Variants in STK3 observed in about 807,000 individuals in gnomAD.
STK3 encodes serine/threonine-protein kinase 3.
In STK3, 41 loss-of-function variants were observed where a neutral mutation model predicts 58.0. That is an observed-to-expected ratio of 0.71 (90% confidence interval 0.55 to 0.92). STK3 has a LOEUF of 0.92. Among genes scored for constraint, STK3 ranks in the 40% least tolerant of loss-of-function variants. The probability of loss-of-function intolerance (pLI) is 0.00; values close to 1 mark genes in which losing one functional copy is unlikely to be tolerated. For missense variants in STK3, 479 were observed against 602.7 expected (o/e 0.79, Z 2.15); for synonymous variants, 170 against 191.0 (o/e 0.89, Z 0.91).
At chr8:98,429,180 G>T in intron 3 of STK3, 1 of 1,613,816 alleles carries the variant, frequency 6.2e-7, no homozygotes, top group Non-Finnish European at 8.5e-7. Context: ...AGGCATCCTC[G>T]TGGTGGTCCT....
intron 8 of STK3, among the ~76,000 whole-genome samples, chr8:98,564,149 A>G (rs1812280443): frequency 6.6e-6 from 1 of 152,174 alleles, no homozygotes; most frequent in African/African-American, 2.4e-5. Context: ...GGGTCTTTTC[A>G]AAAACCAATA....
chr8:98,775,023 T>G (rs1028787351), intron 1 of STK3, among the ~76,000 whole-genome samples: 1 of 152,188 alleles, frequency 6.6e-6, no homozygotes, highest in Non-Finnish European at 1.5e-5. Flanking sequence ...ATAATCACTT[T>G]TATTAGTTTT....
rs563310694 is a variant in STK3 at position 98,747,179 on chromosome 8, A to G, written c.351+2097T>C. On this transcript the variant is annotated intron_variant, in intron 4 of 10. Coordinates refer to ENST00000419617, the MANE Select transcript of STK3 (RefSeq NM_006281.4). The stretch of plus-strand genomic sequence containing the variant: ...TTCTTCAGACAACTGAGAAACACAG[A>G]AAGAAATAAAGAACAATAAAAAGCA... 2.0e-5 allele frequency among the ~76,000 whole-genome samples: 3 copies of G among 152,190 alleles called. No individual in the cohort carries two copies. The South Asian group carries it at 6.2e-4, about 32-fold the overall frequency.
At chr8:98,543,397 G>A (rs1206773237) in intron 9 of STK3, among the ~76,000 whole-genome samples, 3 of 152,118 alleles carry the variant, frequency 2.0e-5, no homozygotes, top group Non-Finnish European at 4.4e-5. Flanking sequence ...AATGAAGATT[G>A]GAGGCAGAGG....
chr8:98,545,683 T>A (rs925533181), intron 9 of STK3, among the ~76,000 whole-genome samples: 4 of 152,078 alleles, frequency 2.6e-5, no homozygotes, highest in Admixed American at 1.3e-4. Flanking sequence ...GAAAAAGAGA[T>A]GAAATTCTAA....
chr8:98,829,103 G>A (rs1412446734), upstream of STK3, among the ~76,000 whole-genome samples: 1 of 152,190 alleles, frequency 6.6e-6, no homozygotes, highest in Non-Finnish European at 1.5e-5. Flanking sequence ...GATCATCTGA[G>A]GGAGAAAGGA....
At chr8:98,620,621 ACTT>A in intron 6 of STK3, among the ~76,000 whole-genome samples, 1 of 151,640 alleles carries the variant, frequency 6.6e-6, no homozygotes, top group Admixed American at 6.6e-5. Flanking sequence ...ACATGCTGCT[ACTT>A]GAAGAGCCTA....
chr8:98,598,456 T>C (rs1401832627), intron 6 of STK3: 8 of 985,268 alleles, frequency 8.1e-6, no homozygotes, highest in Non-Finnish European at 1.2e-6. Flanking sequence ...TACACCAAAA[T>C]GTCTCCAGGA....
At chr8:98,487,800 T>A (rs1019563936) in intron 10 of STK3, among the ~76,000 whole-genome samples, 1 of 152,154 alleles carries the variant, frequency 6.6e-6, no homozygotes, top group Non-Finnish European at 1.5e-5. Flanking sequence ...GTAATCACTA[T>A]AGTTGGGGAA....
chr8:98,787,948 A>G (rs1832571992), intron 1 of STK3, among the ~76,000 whole-genome samples: 1 of 152,208 alleles, frequency 6.6e-6, no homozygotes, highest in African/African-American at 2.4e-5. Flanking sequence ...AAATCTTGAA[A>G]CAAAGCCAGA....
intron 10 of STK3, among the ~76,000 whole-genome samples, chr8:98,521,721 T>G (rs548020612): frequency 2.5e-4 from 38 of 152,306 alleles, no homozygotes; most frequent in Non-Finnish European, 4.9e-4. Flanking sequence ...TGAAGGTCTC[T>G]ATTTCATTGC....
chr8:98,661,567 CA>C (rs1177497680), intron 6 of STK3, among the ~76,000 whole-genome samples: 10 of 152,006 alleles, frequency 6.6e-5, no homozygotes, highest in Admixed American at 1.3e-4. Flanking sequence ...ACAACAACAA[CA>C]AAAATCAGAT....
chr8:98,724,711 C>A (rs1827677274), intron 4 of STK3, among the ~76,000 whole-genome samples: 1 of 152,078 alleles, frequency 6.6e-6, no homozygotes, highest in Non-Finnish European at 1.5e-5. Context: ...AGGTCTATAA[C>A]CTTGCTTAGA....
intron 3 of STK3, among the ~76,000 whole-genome samples, chr8:98,411,672 G>A (rs891507323): frequency 1.3e-5 from 2 of 152,176 alleles, no homozygotes; most frequent in Non-Finnish European, 2.9e-5. Context: ...TAAAACACAA[G>A]TTACTTACTC....
intron 8 of STK3, among the ~76,000 whole-genome samples, chr8:98,577,996 C>T (rs918669993): frequency 6.6e-5 from 10 of 151,336 alleles, no homozygotes; most frequent in South Asian, 2.1e-4. Context: ...TTAAGCTCAG[C>T]GAAGGAAAGA....
At chr8:98,370,342 AGTGTGTGTGTGT>A (rs35062643), downstream of STK3, among the ~76,000 whole-genome samples, 37 of 138,618 alleles carry the variant, frequency 2.7e-4, no homozygotes, top group African/African-American at 7.0e-4. Flanking sequence ...TGACCTCTGC[AGTGTGTGTGTGT>A]GTGTGTGTGT....
At chr8:98,659,870 C>A (rs578157353) in intron 6 of STK3, among the ~76,000 whole-genome samples, 21 of 150,814 alleles carry the variant, frequency 1.4e-4, no homozygotes, top group African/African-American at 4.6e-4. Flanking sequence ...CTTAAAAAAA[C>A]AAATAAAAAT....
At chr8:98,363,266 G>A in the STK3 span, among the ~76,000 whole-genome samples, 2 of 152,276 alleles carry the variant, frequency 1.3e-5, no homozygotes, top group East Asian at 3.9e-4. Context: ...TGCCAGAGAA[G>A]GTCCATCTAT....
At chr8:98,354,358 A>G in the STK3 span, among the ~76,000 whole-genome samples, 1 of 152,176 alleles carries the variant, frequency 6.6e-6, no homozygotes, top group African/African-American at 2.4e-5. Context: ...AGAAGTCTTA[A>G]AAGAAGAGGA....
Sources: allele counts gnomAD v4.1 joint callset (sites outside exome capture counted in the v4.1 genomes callset), GRCh38; gene constraint gnomAD v4.1.1; transcripts MANE v1.5; gene names NCBI Gene and HGNC (gene_info 2026-07-23, HGNC 2026-07-21).